The following SERPINA4 variants were observed in gnomAD, a reference collection of about 807,000 sequenced individuals.
The protein encoded by SERPINA4 is kallistatin.
Under a neutral mutation model 25.4 loss-of-function variants are expected in SERPINA4, and 24 were observed. That is an observed-to-expected ratio of 0.95 (90% confidence interval 0.69 to 1.33). The LOEUF is 1.33. SERPINA4 is among the 40% of genes most tolerant of loss of function. The pLI is 0.00. For synonymous variants in SERPINA4, 242 were observed against 223.6 expected, an observed-to-expected ratio of 1.08 and a Z score of -0.73; for missense variants, 553 against 535.8, an observed-to-expected ratio of 1.03 and a Z score of -0.32.
chr14:94,568,351 C>T, intron 4 of SERPINA4, 63 bp downstream of exon 4: 1 of 1,566,956 alleles, frequency 6.4e-7, no homozygotes, highest in South Asian at 1.1e-5. Context: ...TGGGAGCTGC[C>T]AGGCGATGGG....
chr14:94,561,956 G>A, intron 1 of SERPINA4: 1 of 1,166,586 alleles, frequency 8.6e-7, no homozygotes, highest in South Asian at 1.6e-5. Context: ...TAGGTCAGGG[G>A]TCAACAAACC....
At position 94,569,486 on chromosome 14, in the gene SERPINA4, C is replaced by A. The variant is rs568753504; in HGVS notation, c.1175C>A (p.Thr392Asn). ...GCGATCAAATTCTTCTCTGCCCAGACCAATCGCCACATCCTGCGATTCAAC... is the reference window on the plus strand; with the variant it reads ...GCGATCAAATTCTTCTCTGCCCAGAACAATCGCCACATCCTGCGATTCAAC... ...SFAIKFFSAQ[T>N]NRHILRFNRP... is the part of the protein sequence containing the mutation. Residue 392 changes from threonine (T) to asparagine (N), a missense_variant, in exon 5 of 5, where the codon ACC becomes AAC. Thr to Asn is a moderately conservative substitution (Grantham distance 65). Transcript: ENST00000557004. 1.9e-6 allele frequency: 3 copies of A among 1,614,204 alleles called. No homozygotes were observed.
At chr14:94,564,569 C>T (rs1051960714) in intron 2 of SERPINA4, among the ~76,000 whole-genome samples, 1 of 152,212 alleles carries the variant, frequency 6.6e-6, no homozygotes, top group African/African-American at 2.4e-5. Flanking sequence ...GGGCAAACTA[C>T]AGCCCATGGG....
chr14:94,566,873 G>C (rs1484384367), intron 2 of SERPINA4, 97 bp from the exon 3 acceptor site: 3 of 1,424,994 alleles, frequency 2.1e-6, no homozygotes, highest in African/African-American at 2.9e-5. Flanking sequence ...TGGAGCGACT[G>C]TTTCTGTAGC....
rs5511 is a variant in SERPINA4, at chr14:94,567,258, A to T, written c.923+15A>T. ...TTGCGGAAGAGGTAATCAGTGTGCT[A>T]TGGGGGCTGAATCTACAGTACTATC... On this transcript the variant is annotated intron_variant, in intron 3 of 4. Coordinates refer to ENST00000557004, the MANE Select transcript of SERPINA4 (RefSeq NM_006215.4). The T allele has an allele frequency of 0.23, 367,474 of 1,606,294 alleles. 42,988 individuals are homozygous for T. Among genetic ancestry groups the T allele is most frequent in the Middle Eastern group, 0.3 (1,790 of 6,028 alleles).
chr14:94,561,956 G>T (rs1566828044), intron 1 of SERPINA4: 34 of 1,166,586 alleles, frequency 2.9e-5, no homozygotes, highest in Non-Finnish European at 3.6e-5. Flanking sequence ...TAGGTCAGGG[G>T]TCAACAAACC....
intron 1 of SERPINA4, among the ~76,000 whole-genome samples, chr14:94,562,302 T>G (rs1247074267): frequency 6.6e-6 from 1 of 152,198 alleles, no homozygotes; most frequent in East Asian, 1.9e-4. Context: ...GAAAAAGTTT[T>G]CTGAGCCCTG....
chr14:94,565,742 C>G (rs1902183019), intron 2 of SERPINA4, among the ~76,000 whole-genome samples: 1 of 151,884 alleles, frequency 6.6e-6, no homozygotes, highest in South Asian at 2.1e-4. Flanking sequence ...CCTGTAATCC[C>G]AGCCACTTGG....
intron 2 of SERPINA4, among the ~76,000 whole-genome samples, chr14:94,565,364 A>G (rs1156815401): frequency 1.3e-5 from 2 of 152,200 alleles, no homozygotes; most frequent in Non-Finnish European, 2.9e-5. Context: ...CCATCATCAT[A>G]TCTGACTACC....
At chr14:94,562,816 T>C (rs556908890) in intron 1 of SERPINA4, among the ~76,000 whole-genome samples, 17 of 152,246 alleles carry the variant, frequency 1.1e-4, no homozygotes, top group Non-Finnish European at 5.9e-5. Context: ...CGGGTACCAA[T>C]TCTATCCCCA....
intron 2 of SERPINA4, among the ~76,000 whole-genome samples, chr14:94,565,502 T>G (rs1902174922): frequency 6.6e-6 from 1 of 152,136 alleles, no homozygotes; most frequent in Non-Finnish European, 1.5e-5. Flanking sequence ...AGTCATCCCA[T>G]GTAATTTGCA....
rs1902100088 is a variant in SERPINA4, at chr14:94,563,673, A to G, written c.191A>G (p.Tyr64Cys). ...GCTGACTTTGCCTTCCGCTTCTACTACCTGATCGCTTCGGAGACCCCGGGG... is the reference window on the plus strand; with the variant it reads ...GCTGACTTTGCCTTCCGCTTCTACTGCCTGATCGCTTCGGAGACCCCGGGG... The part of the protein sequence containing the change: ...ANADFAFRFY[Y>C]LIASETPGKN... Residue 64 changes from tyrosine (Y) to cysteine (C), a missense_variant, in exon 2 of 5, where the codon TAC (tyrosine) becomes TGC (cysteine). Transcript: ENST00000557004. The G allele has an allele frequency of 3.7e-6, 6 of 1,613,756 alleles. No homozygotes were observed. Among genetic ancestry groups the G allele is most frequent in the South Asian group, 1.1e-5 (1 of 91,060 alleles).
At chr14:94,568,769 G>T (rs941944861) in intron 4 of SERPINA4, among the ~76,000 whole-genome samples, 1 of 151,872 alleles carries the variant, frequency 6.6e-6, no homozygotes, top group Non-Finnish European at 1.5e-5. Context: ...GGCTGAGGTA[G>T]GAGAATTGCT....
rs538199214 is a variant in SERPINA4, at chr14:94,563,828, G to T, written c.346G>T (p.Asp116Tyr). Reference sequence around the variant, plus strand: ...CAACCTCACCGAGCTGTCTGAGTCCGATGTCCATAGGGGCTTCCAGCACCT... The same window carrying T: ...CAACCTCACCGAGCTGTCTGAGTCCTATGTCCATAGGGGCTTCCAGCACCT... ...GFNLTELSES[D>Y]VHRGFQHLLH... The change falls in exon 2 of 5, where the codon GAT (aspartate) becomes TAT (tyrosine). Residue 116 changes from aspartate to tyrosine, a missense_variant. Coordinates refer to ENST00000557004, the MANE Select transcript of SERPINA4 (RefSeq NM_006215.4). 5 of 1,614,140 alleles carry T rather than the reference G, an allele frequency of 3.1e-6. No individual in the cohort carries two copies. In the East Asian group the frequency reaches 8.9e-5, roughly 29 times the overall value.
In SERPINA4 at chr14:94,566,989, C is replaced by A. The variant is rs1486306239; in HGVS notation, c.669C>A (p.Phe223Leu). ...IYFKALWEKPFISSRTTPKDF... is the reference protein window; with the variant it reads ...IYFKALWEKPLISSRTTPKDF... ...CTTCAGCCCTGTGGGAGAAACCATT[C>A]ATTTCCTCAAGGACCACTCCCAAAG... Residue 223 changes from phenylalanine to leucine, a missense_variant, in exon 3 of 5, where the codon TTC becomes TTA. Transcript: ENST00000557004. 2 of 1,613,674 alleles carry A rather than the reference C, an allele frequency of 1.2e-6. No individual in the cohort carries two copies. Among genetic ancestry groups the A allele is most frequent in the East Asian group, 2.2e-5 (1 of 44,862 alleles).
chr14:94,563,192 G>A (rs771579217), intron 1 of SERPINA4, among the ~76,000 whole-genome samples: 2 of 152,194 alleles, frequency 1.3e-5, no homozygotes, highest in Non-Finnish European at 2.9e-5. Flanking sequence ...TGAGAATGGA[G>A]TCTAGTGCTG....
At position 94,569,853 on chromosome 14, in the gene SERPINA4, G is replaced by A. The variant is rs113728617; in HGVS notation, c.*258G>A. The stretch of plus-strand genomic sequence containing the variant: ...AAGTTTCTGCCTCTGGAAAGGGGGC[G>A]GGCCCTTTTCACAACAGGCTGGTTG... On this transcript the variant is annotated 3_prime_UTR_variant, in exon 5 of 5. Coordinates refer to ENST00000557004, the MANE Select transcript of SERPINA4 (RefSeq NM_006215.4). 104 of 540,892 alleles carry A rather than the reference G, an allele frequency of 1.9e-4. No individual in the cohort carries two copies. Among genetic ancestry groups the A allele is most frequent in the African/African-American group, 1.4e-3 (75 of 52,826 alleles). The allele number at this position is 540,892 out of a possible 1,614,324, so 33.5% of individuals were successfully genotyped here.
At chr14:94,561,921 G>T in intron 1 of SERPINA4, 1 of 1,266,470 alleles carries the variant, frequency 7.9e-7, no homozygotes, top group South Asian at 1.3e-5. Flanking sequence ...AGAGCAGAAA[G>T]ACTAGGAAGC....
At position 94,563,771 on chromosome 14, in the gene SERPINA4, A is replaced by G. The variant is rs1213583712; in HGVS notation, c.289A>G (p.Ser97Gly). 6.2e-7 allele frequency: 1 copy of G among 1,614,004 alleles called. No homozygotes were observed. Among genetic ancestry groups the G allele is most frequent in the Non-Finnish European group, 8.5e-7 (1 of 1,180,040 alleles). ...AMLSLGACSH[S>G]RSQILEGLGF... is the part of the protein sequence containing the mutation. ...GCTTTCCCTGGGGGCCTGCTCACAC[A>G]GCCGCAGCCAGATCCTTGAGGGCCT... Residue 97 changes from serine to glycine, a missense_variant, in exon 2 of 5, where the codon AGC (serine) becomes GGC (glycine). Ser to Gly is a moderately conservative substitution (Grantham distance 56). Coordinates refer to ENST00000557004, the MANE Select transcript of SERPINA4 (RefSeq NM_006215.4).
Sources: allele counts gnomAD v4.1 joint callset (sites outside exome capture counted in the v4.1 genomes callset), GRCh38; gene constraint gnomAD v4.1.1; transcripts MANE v1.5; gene names NCBI Gene and HGNC (gene_info 2026-07-23, HGNC 2026-07-21).